The following SYNPR variants were observed in gnomAD, a reference collection of about 807,000 sequenced individuals.
SYNPR encodes the protein synaptoporin.
Under a neutral mutation model 32.9 loss-of-function variants are expected in SYNPR, and 23 were observed. The ratio of observed to expected loss-of-function variants is 0.70; its 90% CI spans 0.50 to 0.99. The LOEUF (loss-of-function observed/expected upper bound fraction) is 0.99, where lower values mean the gene tolerates loss of function less well. SYNPR is among the 50% of genes least tolerant of loss of function. SYNPR has a pLI of 0.00. For missense variants in SYNPR, 318 were observed against 349.3 expected (o/e 0.91, Z 0.71); for synonymous variants, 146 against 135.9 (o/e 1.07, Z -0.52).
chr3:63,536,091 C>T (rs72887370), intron 3 of SYNPR, among the ~76,000 whole-genome samples: 1,847 of 151,742 alleles, frequency 0.012, 43 homozygotes, highest in African/African-American at 0.043. Context: ...CATAAGGAAA[C>T]CCTCATCTCT....
intron 3 of SYNPR, among the ~76,000 whole-genome samples, chr3:63,540,352 A>G (rs1351558022): frequency 2.6e-5 from 4 of 152,138 alleles, no homozygotes; most frequent in Non-Finnish European, 5.9e-5. Flanking sequence ...GGAGATTTTA[A>G]CGTGAGTAGT....
chr3:63,278,812 G>A (rs2086601250), intron 2 of SYNPR, 70 bp downstream of exon 2: 2 of 1,486,648 alleles, frequency 1.3e-6, no homozygotes, highest in South Asian at 1.2e-5. Context: ...GGTCGGATGG[G>A]GTGCTCCCTG....
chr3:63,494,406 T>TATATATATACACAC (rs1553641141), intron 3 of SYNPR, among the ~76,000 whole-genome samples: 2 of 118,666 alleles, frequency 1.7e-5, no homozygotes, highest in Non-Finnish European at 1.7e-5. Context: ...TATATATATA[T>TATATATATACACAC]ATATATATAT....
At chr3:63,369,920 A>G (rs1226045529) in intron 2 of SYNPR, among the ~76,000 whole-genome samples, 2 of 152,188 alleles carry the variant, frequency 1.3e-5, no homozygotes, top group African/African-American at 4.8e-5. Context: ...AAGGAATCCA[A>G]AGATTCTTGG....
intron 4 of SYNPR, among the ~76,000 whole-genome samples, chr3:63,574,533 C>T (rs1702944942): frequency 6.6e-6 from 1 of 152,084 alleles, no homozygotes; most frequent in Non-Finnish European, 1.5e-5. Context: ...TGCTAAACAT[C>T]CCATGAGGCA....
intron 2 of SYNPR, among the ~76,000 whole-genome samples, chr3:63,379,470 G>C (rs745620662): frequency 3.3e-5 from 5 of 150,788 alleles, no homozygotes; most frequent in Non-Finnish European, 7.4e-5. Flanking sequence ...CAGTTCTACT[G>C]GTTTTTGCTT....
intron 3 of SYNPR, among the ~76,000 whole-genome samples, chr3:63,533,515 A>G (rs1702145975): frequency 6.6e-6 from 1 of 152,196 alleles, no homozygotes; most frequent in African/African-American, 2.4e-5. Context: ...AAGAGTCCTA[A>G]GGTTACAAGT....
intron 2 of SYNPR, among the ~76,000 whole-genome samples, chr3:63,378,141 C>T (rs2087918056): frequency 6.6e-6 from 1 of 151,324 alleles, no homozygotes; most frequent in Admixed American, 6.6e-5. Context: ...TACACAAATG[C>T]TTATAATTGA....
At chr3:63,452,307 A>C (rs1027377649) in intron 2 of SYNPR, among the ~76,000 whole-genome samples, 6 of 152,126 alleles carry the variant, frequency 3.9e-5, no homozygotes, top group African/African-American at 1.4e-4. Context: ...AATCCCTCAA[A>C]AGTGATTTAA....
chr3:63,407,781 A>G (rs1181898761), intron 2 of SYNPR, among the ~76,000 whole-genome samples: 1 of 152,098 alleles, frequency 6.6e-6, no homozygotes, highest in African/African-American at 2.4e-5. Flanking sequence ...CAGAAGTTAG[A>G]CTAACCCAGA....
chr3:63,523,958 G>C (rs1375676883), intron 3 of SYNPR, among the ~76,000 whole-genome samples: 1 of 152,072 alleles, frequency 6.6e-6, no homozygotes, highest in Admixed American at 6.5e-5. Flanking sequence ...ACTAGTGAAA[G>C]ATTTTTAGTA....
At chr3:63,270,103 T>C (rs572478071) in intron 3 of SYNPR, among the ~76,000 whole-genome samples, 1 of 152,302 alleles carries the variant, frequency 6.6e-6, no homozygotes, top group East Asian at 1.9e-4. Flanking sequence ...ACAAAGCAGA[T>C]GCCATTTGAA....
chr3:63,477,807 A>T (rs114235872), intron 2 of SYNPR, among the ~76,000 whole-genome samples: 1,668 of 152,360 alleles, frequency 0.011, 32 homozygotes, highest in African/African-American at 0.038. Context: ...CTGCACCTGC[A>T]CAAGAGCCAT....
chr3:63,523,313 G>A (rs76798237), intron 3 of SYNPR, among the ~76,000 whole-genome samples: 1,609 of 152,140 alleles, frequency 0.011, 36 homozygotes, highest in African/African-American at 0.036. Context: ...AGGAGTTTAC[G>A]TCTGGCTTCC....
chr3:63,491,645 C>T (rs532809318), intron 3 of SYNPR, among the ~76,000 whole-genome samples: 4 of 152,190 alleles, frequency 2.6e-5, no homozygotes, highest in African/African-American at 4.8e-5. Flanking sequence ...CTCAGCCTCC[C>T]GAGTAGTTGG....
At chr3:63,358,757 A>G (rs990617306) in intron 2 of SYNPR, among the ~76,000 whole-genome samples, 1 of 152,180 alleles carries the variant, frequency 6.6e-6, no homozygotes, top group Admixed American at 6.5e-5. Flanking sequence ...GTATTATCTT[A>G]ATCCTCAAAA....
At chr3:63,301,987 A>G (rs895112716) in intron 2 of SYNPR, among the ~76,000 whole-genome samples, 3 of 152,088 alleles carry the variant, frequency 2.0e-5, no homozygotes, top group African/African-American at 4.8e-5. Flanking sequence ...ACCTAAAACT[A>G]TGCCTACTTC....
At chr3:63,220,241 C>T in the SYNPR span, among the ~76,000 whole-genome samples, 1 of 152,056 alleles carries the variant, frequency 6.6e-6, no homozygotes, top group African/African-American at 2.4e-5. Flanking sequence ...AATTTATGGT[C>T]AGAAAGAAAG....
At chr3:63,450,596 C>T (rs562512258) in intron 2 of SYNPR, among the ~76,000 whole-genome samples, 1 of 152,246 alleles carries the variant, frequency 6.6e-6, no homozygotes, top group South Asian at 2.1e-4. Flanking sequence ...GAGACAGGTT[C>T]CTGGTTTTTC....
Sources: gnomAD v4.1 joint callset for allele counts (sites outside exome capture counted in the v4.1 genomes callset) on GRCh38, gnomAD v4.1.1 for gene constraint, MANE v1.5 for transcripts, NCBI Gene and HGNC (gene_info 2026-07-23, HGNC 2026-07-21) for gene names.